The following GPHN variants were observed in gnomAD, a reference collection of about 807,000 sequenced individuals.
GPHN encodes the protein gephyrin.
A neutral mutation model predicts 95.5 loss-of-function variants in GPHN; 17 were observed. The observed-to-expected ratio is 0.18, with a 90% confidence interval of 0.12 to 0.27. GPHN has a LOEUF of 0.27. Ranked by LOEUF, GPHN falls within the 10% of genes least tolerant of loss-of-function variation. The probability of loss-of-function intolerance (pLI) is 1.00; values close to 1 mark genes in which losing one functional copy is unlikely to be tolerated. For missense variants in GPHN, 660 were observed against 978.1 expected (o/e 0.67, Z 4.34); for synonymous variants, 320 against 322.5 (o/e 0.99, Z 0.08).
chr14:67,321,148 A>C, the GPHN span: 52 of 1,614,100 alleles, frequency 3.2e-5, no homozygotes, highest in Non-Finnish European at 4.0e-5. Flanking sequence ...TAGCAGCTGG[A>C]AAGTTCATTG....
At chr14:66,633,726 G>A (rs8014849) in intron 1 of GPHN, among the ~76,000 whole-genome samples, 49,791 of 151,992 alleles carry the variant, frequency 0.33, 12,003 homozygotes, top group African/African-American at 0.65. Flanking sequence ...TTGCTGGATT[G>A]TATGGTAAGT....
At chr14:67,640,096 A>T in the GPHN span, among the ~76,000 whole-genome samples, 5,542 of 152,140 alleles carry the variant, frequency 0.036, 286 homozygotes, top group African/African-American at 0.11. Context: ...ACTTTACTCA[A>T]ACCTTTTTGT....
intron 2 of GPHN, among the ~76,000 whole-genome samples, chr14:66,772,939 A>C (rs1016791763): frequency 6.6e-6 from 1 of 152,202 alleles, no homozygotes; most frequent in Non-Finnish European, 1.5e-5. Flanking sequence ...ATATATGAGC[A>C]CTTTAGAAAA....
At chr14:67,270,714 TATA>T in the GPHN span, 3 of 152,164 alleles carry the variant, frequency 2.0e-5, no homozygotes, top group Non-Finnish European at 4.4e-5. Context: ...GCTTAAAAAT[TATA>T]ATCTTAATGC....
chr14:66,760,725 T>G (rs565131626), intron 2 of GPHN: 1 of 462,552 alleles, frequency 2.2e-6, no homozygotes, highest in South Asian at 1.7e-5. Context: ...GCACTTATAG[T>G]GGATAATTCA....
intron 1 of GPHN, among the ~76,000 whole-genome samples, chr14:66,629,789 A>G (rs2063716636): frequency 6.6e-6 from 1 of 152,112 alleles, no homozygotes; most frequent in Admixed American, 6.5e-5. Flanking sequence ...TGGACTCACC[A>G]TCATATATGC....
At chr14:67,128,551 G>A (rs1241653021) in intron 17 of GPHN, among the ~76,000 whole-genome samples, 1 of 152,094 alleles carries the variant, frequency 6.6e-6, no homozygotes, top group Non-Finnish European at 1.5e-5. Flanking sequence ...TATATGCATG[G>A]GAAGGTATTT....
At chr14:66,766,100 T>C (rs1359778152) in intron 2 of GPHN, among the ~76,000 whole-genome samples, 1 of 152,176 alleles carries the variant, frequency 6.6e-6, no homozygotes, top group Non-Finnish European at 1.5e-5. Flanking sequence ...ACCCTAACTT[T>C]TTCCCTGAGA....
the GPHN span, among the ~76,000 whole-genome samples, chr14:67,675,829 G>A: frequency 6.6e-6 from 1 of 152,194 alleles, no homozygotes; most frequent in East Asian, 1.9e-4. Context: ...CGGGCATGGT[G>A]GCTCACGCGT....
chr14:66,706,413 TACTA>T (rs948193380), intron 2 of GPHN, among the ~76,000 whole-genome samples: 6 of 152,104 alleles, frequency 3.9e-5, no homozygotes, highest in Non-Finnish European at 8.8e-5. Flanking sequence ...CTTCAAACTA[TACTA>T]CAAGGCTACA....
At chr14:66,768,436 G>A (rs921150127) in intron 2 of GPHN, among the ~76,000 whole-genome samples, 1 of 151,826 alleles carries the variant, frequency 6.6e-6, no homozygotes, top group Admixed American at 6.6e-5. Flanking sequence ...CTAAACACTA[G>A]GCCAAGTTTT....
intron 11 of GPHN, among the ~76,000 whole-genome samples, chr14:67,086,089 T>G (rs1267060066): frequency 1.3e-5 from 2 of 152,234 alleles, no homozygotes; most frequent in Non-Finnish European, 2.9e-5. Context: ...ATACCATACT[T>G]TGCTTATCCA....
the GPHN span, among the ~76,000 whole-genome samples, chr14:67,220,362 G>T: frequency 6.6e-6 from 1 of 152,056 alleles, no homozygotes; most frequent in Non-Finnish European, 1.5e-5. Flanking sequence ...GGGATTGCTT[G>T]AGCTGGGAGG....
intron 1 of GPHN, among the ~76,000 whole-genome samples, chr14:66,620,305 A>G (rs2063237542): frequency 6.6e-6 from 1 of 152,136 alleles, no homozygotes; most frequent in Non-Finnish European, 1.5e-5. Context: ...GTATTAGTCC[A>G]TTTTCAAACT....
the GPHN span, among the ~76,000 whole-genome samples, chr14:67,363,070 G>A: frequency 6.6e-5 from 10 of 152,148 alleles, no homozygotes; most frequent in African/African-American, 2.4e-4. Context: ...GTAAGTAAAT[G>A]TGGTTTTCAC....
the GPHN span, among the ~76,000 whole-genome samples, chr14:67,285,900 T>A: frequency 1.3e-5 from 2 of 152,320 alleles, no homozygotes; most frequent in East Asian, 3.9e-4. Context: ...TTTGTATTCA[T>A]CTGATTAGTT....
the GPHN span, among the ~76,000 whole-genome samples, chr14:67,631,318 G>A: frequency 3.3e-5 from 5 of 151,980 alleles, no homozygotes; most frequent in Non-Finnish European, 7.4e-5. Flanking sequence ...ACAATGAACA[G>A]ATGAACAGTG....
chr14:66,885,251 G>A (rs2064129989), intron 5 of GPHN, among the ~76,000 whole-genome samples: 1 of 151,930 alleles, frequency 6.6e-6, no homozygotes, highest in African/African-American at 2.4e-5. Context: ...AGTATATATA[G>A]GAATCTGTTT....
intron 4 of GPHN, among the ~76,000 whole-genome samples, chr14:66,842,996 CT>C (rs1175523993): frequency 6.6e-6 from 1 of 152,116 alleles, no homozygotes; most frequent in Non-Finnish European, 1.5e-5. Context: ...ATTCAGGGGA[CT>C]GCCTCACTCT....
Sources: allele counts gnomAD v4.1 joint callset (sites outside exome capture counted in the v4.1 genomes callset), GRCh38; gene constraint gnomAD v4.1.1; transcripts MANE v1.5; gene names NCBI Gene and HGNC (gene_info 2026-07-23, HGNC 2026-07-21).